The following INPP4B variants were observed in gnomAD, a reference collection of about 807,000 sequenced individuals.
INPP4B encodes inositol polyphosphate 4-phosphatase type II.
Under a neutral mutation model 122.5 loss-of-function variants are expected in INPP4B, and 55 were observed. The ratio of observed to expected loss-of-function variants is 0.45; its 90% CI spans 0.36 to 0.56. The LOEUF (loss-of-function observed/expected upper bound fraction) is 0.56, where lower values mean the gene tolerates loss of function less well. Ranked by LOEUF, INPP4B falls within the 20% of genes least tolerant of loss-of-function variation. INPP4B has a pLI of 0.00. For synonymous variants in INPP4B, 403 were observed against 388.7 expected, an observed-to-expected ratio of 1.04 and a Z score of -0.43; for missense variants, 1,000 against 1,097.7, an observed-to-expected ratio of 0.91 and a Z score of 1.26.
At chr4:142,460,335 A>T (rs1226761640) in intron 3 of INPP4B, among the ~76,000 whole-genome samples, 8 of 152,190 alleles carry the variant, frequency 5.3e-5, no homozygotes, top group Non-Finnish European at 1.2e-4. Context: ...AATAATTTAC[A>T]GATTACAAGA....
chr4:142,483,803 A>G lies in INPP4B; in HGVS notation c.-190-21077T>C, dbSNP rs572240234. ...GAAAGTTATTGTTACTTGGATATTA[A>G]AGGAAAATGTGATAATGGAAAGAAA... is the stretch of plus-strand genomic sequence containing the variant. On this transcript the variant is annotated intron_variant, in intron 2 of 25. Coordinates refer to ENST00000262992, the MANE Select transcript of INPP4B (RefSeq NM_001101669.3). Among the ~76,000 whole-genome samples the G allele has an allele frequency of 1.7e-4, 26 of 152,140 alleles. No individual in the cohort carries two copies. In the South Asian group the frequency reaches 5.2e-3, roughly 30 times the overall value.
intron 17 of INPP4B, among the ~76,000 whole-genome samples, chr4:142,157,323 G>C (rs1282338319): frequency 6.6e-6 from 1 of 152,098 alleles, no homozygotes; most frequent in African/African-American, 2.4e-5. Flanking sequence ...TCTGATGAAG[G>C]AATGTTTTCA....
intron 2 of INPP4B, among the ~76,000 whole-genome samples, chr4:142,691,809 G>T (rs75786853): frequency 6.6e-6 from 1 of 151,948 alleles, no homozygotes; most frequent in Admixed American, 6.6e-5. Flanking sequence ...CATCAAAAAC[G>T]TGGGGGGGAC....
chr4:142,463,661 T>C (rs1817172209), intron 2 of INPP4B, among the ~76,000 whole-genome samples: 1 of 152,188 alleles, frequency 6.6e-6, no homozygotes, highest in African/African-American at 2.4e-5. Flanking sequence ...GAGAGGGACC[T>C]GGTGGGAGGT....
chr4:142,235,842 T>A (rs1275100972), intron 12 of INPP4B, among the ~76,000 whole-genome samples: 1 of 152,242 alleles, frequency 6.6e-6, no homozygotes, highest in African/African-American at 2.4e-5. Context: ...TATTTTGATA[T>A]TTGTATATGA....
chr4:142,624,974 A>AC (rs1745980285), intron 2 of INPP4B, among the ~76,000 whole-genome samples: 1 of 151,568 alleles, frequency 6.6e-6, no homozygotes, highest in African/African-American at 2.4e-5. Flanking sequence ...TATTGATGGG[A>AC]TGTATCTCAA....
intron 17 of INPP4B, among the ~76,000 whole-genome samples, chr4:142,153,530 C>A (rs951602161): frequency 3.9e-5 from 6 of 152,036 alleles, no homozygotes; most frequent in African/African-American, 1.4e-4. Context: ...GATTTTGAAC[C>A]AGGCATTATA....
At chr4:142,602,867 C>T (rs550599725) in intron 2 of INPP4B, among the ~76,000 whole-genome samples, 4 of 152,192 alleles carry the variant, frequency 2.6e-5, no homozygotes, top group African/African-American at 2.4e-5. Context: ...TGGGTATATA[C>T]CCAAAGGAAT....
At chr4:142,184,839 T>C (rs1832465644) in intron 15 of INPP4B, among the ~76,000 whole-genome samples, 1 of 152,146 alleles carries the variant, frequency 6.6e-6, no homozygotes. Flanking sequence ...GATGGTGTCA[T>C]GGTGCAAGAT....
At chr4:142,147,899 G>A (rs184453267) in intron 17 of INPP4B, among the ~76,000 whole-genome samples, 9 of 152,272 alleles carry the variant, frequency 5.9e-5, no homozygotes, top group African/African-American at 2.2e-4. Flanking sequence ...TAAGCCAGGA[G>A]AGCTAAGGAA....
chr4:142,337,734 A>ATTTATATATATTATATATAATATATAT (rs1561881938), intron 7 of INPP4B, among the ~76,000 whole-genome samples: 11 of 41,674 alleles, frequency 2.6e-4, no homozygotes, highest in East Asian at 2.8e-3. Context: ...TTTTATATAT[A>ATTTATATATATTATATATAATATATAT]TTTATATATA....
intron 2 of INPP4B, among the ~76,000 whole-genome samples, chr4:142,661,105 A>G (rs1237828556): frequency 1.3e-5 from 2 of 151,992 alleles, no homozygotes; most frequent in Non-Finnish European, 2.9e-5. Context: ...TCCTGTGTGG[A>G]CCTGGGATTC....
chr4:142,256,720 A>G (rs1347887054), intron 11 of INPP4B, among the ~76,000 whole-genome samples: 2 of 152,228 alleles, frequency 1.3e-5, no homozygotes, highest in African/African-American at 4.8e-5. Context: ...TCAATAGCTT[A>G]CCAACCAAAA....
chr4:142,276,261 C>T (rs540130326), intron 9 of INPP4B, among the ~76,000 whole-genome samples: 6 of 151,960 alleles, frequency 3.9e-5, no homozygotes, highest in African/African-American at 1.4e-4. Context: ...TAAAGCTCTA[C>T]TTTCACTATT....
Position 142,028,398 on chromosome 4 carries a change from C to T in INPP4B, c.*384G>A, listed in dbSNP as rs899406592. 2.5e-5 allele frequency: 6 copies of T among 240,124 alleles called. No homozygotes were observed. Among genetic ancestry groups the T allele is most frequent in the Non-Finnish European group, 4.1e-5 (5 of 123,148 alleles). 14.9% of individuals were successfully genotyped at this position (240,124 alleles called of 1,614,324 possible). A position where few individuals can be genotyped will look rare whatever the true frequency, so the allele number is the denominator to read the frequency against. On this transcript the variant is annotated 3_prime_UTR_variant, in exon 26 of 26. Transcript: ENST00000262992. ...CAAAAAAAATATGTTCCTTTTCCCC[C>T]TCTCCTCTCTTCCATTTGGTTGGAG...
chr4:142,254,964 G>T (rs952953019), intron 11 of INPP4B, among the ~76,000 whole-genome samples: 4 of 152,066 alleles, frequency 2.6e-5, no homozygotes, highest in Non-Finnish European at 5.9e-5. Flanking sequence ...GAAAGGTCGG[G>T]TTACCCTCAA....
At chr4:142,547,935 A>G (rs1157987817) in intron 2 of INPP4B, among the ~76,000 whole-genome samples, 1 of 152,166 alleles carries the variant, frequency 6.6e-6, no homozygotes, top group African/African-American at 2.4e-5. Flanking sequence ...TTATGAATTT[A>G]TTGCCACCAT....
chr4:142,045,483 A>ATAAAGAGGTCCATCTAGTTTC (rs2152357715), intron 25 of INPP4B, among the ~76,000 whole-genome samples: 1 of 152,300 alleles, frequency 6.6e-6, no homozygotes, highest in East Asian at 1.9e-4. Context: ...CTTAGAGTTA[A>ATAAAGAGGTCCATCTAGTTTC]TAAAGAGGTC....
chr4:142,585,918 G>A (rs927043371), intron 2 of INPP4B, among the ~76,000 whole-genome samples: 1 of 151,500 alleles, frequency 6.6e-6, no homozygotes, highest in Non-Finnish European at 1.5e-5. Context: ...GGGCAGGTTT[G>A]TTTCATAGGT....
Sources: allele counts gnomAD v4.1 joint callset (sites outside exome capture counted in the v4.1 genomes callset), GRCh38; gene constraint gnomAD v4.1.1; transcripts MANE v1.5; gene names NCBI Gene and HGNC (gene_info 2026-07-23, HGNC 2026-07-21).